The following SLC25A12 variants were observed in gnomAD, a reference collection of about 807,000 sequenced individuals.
The protein encoded by SLC25A12 is electrogenic aspartate/glutamate antiporter SLC25A12, mitochondrial.
SLC25A12 carries 32 observed loss-of-function variants against 83.3 expected under a neutral mutation model. The ratio of observed to expected loss-of-function variants is 0.38; its 90% confidence interval spans 0.29 to 0.52. The LOEUF (loss-of-function observed/expected upper bound fraction) is 0.52. Ranked by LOEUF, SLC25A12 falls within the 20% of genes least tolerant of loss-of-function variation. The pLI, the probability that SLC25A12 is intolerant of heterozygous loss-of-function variation, is 0.84. For synonymous variants in SLC25A12, 267 were observed against 291.1 expected (o/e 0.92, Z 0.84); for missense variants, 611 against 835.6 (o/e 0.73, Z 3.31).
At chr2:171,886,417 G>C (rs1685819488) in intron 2 of SLC25A12, among the ~76,000 whole-genome samples, 1 of 148,308 alleles carries the variant, frequency 6.7e-6, no homozygotes, top group South Asian at 2.1e-4. Flanking sequence ...ATTTTTTGTA[G>C]AGATGGGGTT....
chr2:171,793,910 G>T, intron 13 of SLC25A12, 143 bp from the exon 14 acceptor site: 1 of 931,306 alleles, frequency 1.1e-6, no homozygotes, highest in Non-Finnish European at 1.7e-6. Context: ...GGGAATGACA[G>T]TTTGACACTT....
At chr2:171,831,341 G>A (rs1684427040) in intron 8 of SLC25A12, among the ~76,000 whole-genome samples, 1 of 152,114 alleles carries the variant, frequency 6.6e-6, no homozygotes, top group Non-Finnish European at 1.5e-5. Flanking sequence ...GCTCAGTTTT[G>A]CATCACATTA....
chr2:171,868,686 C>T lies in SLC25A12; in HGVS notation c.204G>A (p.Lys68=), dbSNP rs200464056. 5.6e-6 allele frequency: 9 copies of T among 1,613,822 alleles called. No homozygotes were observed. The African/African-American group carries it at 8.0e-5, about 14-fold the overall frequency. ...AAATGCATGAAGATACTTACCCATC[C>T]TTGGTTTGATCAGCTACTCCTGCCA... ...QLLAGVADQT[K]DGLISYQEFL... is the part of the protein sequence containing the mutation. Residue 68 remains lysine (K), a synonymous_variant, in exon 3 of 18, where the codon AAG becomes AAA. Coordinates refer to ENST00000422440, the MANE Select transcript of SLC25A12 (RefSeq NM_003705.5).
intron 4 of SLC25A12, among the ~76,000 whole-genome samples, chr2:171,845,485 AAG>A (rs1446252295): frequency 1.3e-5 from 2 of 152,216 alleles, no homozygotes; most frequent in Non-Finnish European, 2.9e-5. Context: ...TTATTAGTGA[AAG>A]AGTTTTGCCA....
At chr2:171,857,568 C>G (rs1440020352) in intron 3 of SLC25A12, among the ~76,000 whole-genome samples, 1 of 151,868 alleles carries the variant, frequency 6.6e-6, no homozygotes, top group African/African-American at 2.4e-5. Flanking sequence ...ACCTGTAGTA[C>G]CAACTACTTG....
At chr2:171,824,371 T>C (rs564461597) in intron 9 of SLC25A12, among the ~76,000 whole-genome samples, 1 of 151,968 alleles carries the variant, frequency 6.6e-6, no homozygotes, top group Non-Finnish European at 1.5e-5. Flanking sequence ...TCTAGGAAAA[T>C]TGCTAGGGGC....
At chr2:171,827,167 T>G (rs1267798875) in intron 8 of SLC25A12, among the ~76,000 whole-genome samples, 2 of 152,190 alleles carry the variant, frequency 1.3e-5, no homozygotes, top group Non-Finnish European at 2.9e-5. Context: ...GTATAGAGAT[T>G]GACTGTCCCT....
At chr2:171,849,887 T>C (rs985389072) in intron 4 of SLC25A12, among the ~76,000 whole-genome samples, 1 of 151,450 alleles carries the variant, frequency 6.6e-6, no homozygotes, top group Non-Finnish European at 1.5e-5. Context: ...CTGCAACCTC[T>C]GCCTCCCAGG....
chr2:171,867,240 G>C (rs1685350713), intron 3 of SLC25A12, among the ~76,000 whole-genome samples: 2 of 150,876 alleles, frequency 1.3e-5, no homozygotes, highest in Non-Finnish European at 3.0e-5. Flanking sequence ...TGGCGGCCGG[G>C]CAGAGGCTGC....
At position 171,819,211 on chromosome 2, in the gene SLC25A12, A is replaced by G. The variant is rs191832023; in HGVS notation, c.931-4009T>C. 2.2e-4 allele frequency among the ~76,000 whole-genome samples: 30 copies of G among 134,152 alleles called. 1 individual carries two copies. Among genetic ancestry groups the G allele is most frequent in the African/African-American group, 8.0e-4 (29 of 36,224 alleles). 88.0% of individuals were successfully genotyped at this position (134,152 alleles called of 152,430 possible). ...TACGTATTATATATTAATATATAAT[A>G]TATAATACATATTATATATGTATAT... On this transcript the variant is annotated intron_variant, in intron 9 of 17. Coordinates refer to ENST00000422440, the MANE Select transcript of SLC25A12 (RefSeq NM_003705.5).
In SLC25A12 at chr2:171,837,128, A is replaced by T; in HGVS notation, c.605T>A (p.Leu202Ter). Residue 202 changes from leucine to a stop codon, truncating the protein, a stop_gained, in exon 6 of 18, where the codon TTA becomes TAA. Coordinates refer to ENST00000422440, the MANE Select transcript of SLC25A12 (RefSeq NM_003705.5). LOFTEE classifies it high-confidence loss of function. ...AACTTGCTTTTTACTTACTGAAACT[A>T]AGTTCTCCTCCACAAAAGGAGTAAG... The part of the protein sequence containing the change: ...HMLTPFVEEN[L>*]VSAAGGSISH... 1 of 1,613,958 alleles carries T rather than the reference A, an allele frequency of 6.2e-7. No individual in the cohort carries two copies. Among genetic ancestry groups the T allele is most frequent in the Non-Finnish European group, 8.5e-7 (1 of 1,179,922 alleles).
intron 2 of SLC25A12, among the ~76,000 whole-genome samples, chr2:171,891,705 A>C (rs1171163709): frequency 2.6e-5 from 4 of 152,226 alleles, no homozygotes; most frequent in African/African-American, 4.8e-5. Context: ...TCTTCACAAA[A>C]CAATTGACTA....
At chr2:171,850,496 C>T (rs929413978) in intron 4 of SLC25A12, among the ~76,000 whole-genome samples, 4 of 151,938 alleles carry the variant, frequency 2.6e-5, no homozygotes, top group Admixed American at 6.6e-5. Flanking sequence ...CAGGCATGCA[C>T]CACCATGCCC....
chr2:171,869,471 C>T (rs12692978), intron 2 of SLC25A12, among the ~76,000 whole-genome samples: 42,645 of 151,828 alleles, frequency 0.28, 6,300 homozygotes, highest in African/African-American at 0.37. Flanking sequence ...CAGGGAGACA[C>T]GTAATCTGCC....
chr2:171,877,725 C>T (rs1685604309), intron 2 of SLC25A12, among the ~76,000 whole-genome samples: 1 of 149,122 alleles, frequency 6.7e-6, no homozygotes, highest in Non-Finnish European at 1.5e-5. Flanking sequence ...ATTAACTACA[C>T]ATTACAAAGA....
chr2:171,866,786 C>T (rs1436096023), intron 3 of SLC25A12, among the ~76,000 whole-genome samples: 11 of 142,030 alleles, frequency 7.7e-5, no homozygotes, highest in South Asian at 2.3e-4. Flanking sequence ...ACCTCCCTCC[C>T]GGACGGGGCG....
At chr2:171,844,275 A>G in intron 5 of SLC25A12, 94 bp downstream of exon 5, 1 of 1,359,436 alleles carries the variant, frequency 7.4e-7, no homozygotes, top group East Asian at 2.3e-5. Flanking sequence ...AATACCATGG[A>G]GAACTTCTAT....
Position 171,804,633 on chromosome 2 carries a change from C to T in SLC25A12, c.1305+4973G>A, listed in dbSNP as rs562890545. On this transcript the variant is annotated intron_variant, in intron 13 of 17. Transcript: ENST00000422440. ...AGTATATTAATAGTTGCCTAGAGGC[C>T]AAGTGCAGTGGCTCGTATCTGTAAC... Among the ~76,000 whole-genome samples the T allele has an allele frequency of 1.1e-4, 17 of 152,250 alleles. 1 individual carries two copies. The highest frequency in any genetic ancestry group is 3.4e-3 in the Middle Eastern group (1 of 294).
chr2:171,875,805 C>G (rs1041496718), intron 2 of SLC25A12, among the ~76,000 whole-genome samples: 3 of 149,994 alleles, frequency 2.0e-5, no homozygotes, highest in Non-Finnish European at 4.4e-5. Flanking sequence ...CCCCGCTACT[C>G]GGGAGGCTGA....
Sources: allele counts gnomAD v4.1 joint callset (sites outside exome capture counted in the v4.1 genomes callset), GRCh38; gene constraint gnomAD v4.1.1; transcripts MANE v1.5; gene names NCBI Gene and HGNC (gene_info 2026-07-23, HGNC 2026-07-21).